The following PDE4D variants were observed in gnomAD, a reference collection of about 807,000 sequenced individuals.
PDE4D encodes the protein 3',5'-cyclic-AMP phosphodiesterase 4D.
PDE4D carries 24 observed loss-of-function variants against 87.4 expected under a neutral mutation model. The ratio of observed to expected loss-of-function variants is 0.27; its 90% confidence interval spans 0.20 to 0.39. PDE4D has a LOEUF of 0.39. Ranked by LOEUF, PDE4D falls within the 10% of genes least tolerant of loss-of-function variation. The probability of loss-of-function intolerance (pLI) is 1.00; values close to 1 mark genes in which losing one functional copy is unlikely to be tolerated. For synonymous variants in PDE4D, 384 were observed against 383.2 expected, an observed-to-expected ratio of 1.00 and a Z score of -0.02; for missense variants, 714 against 1,041.0, an observed-to-expected ratio of 0.69 and a Z score of 4.32.
At chr5:59,828,144 A>T (rs1167138116) in intron 1 of PDE4D, among the ~76,000 whole-genome samples, 1 of 152,014 alleles carries the variant, frequency 6.6e-6, no homozygotes, top group East Asian at 1.9e-4. Flanking sequence ...TTAAAAAAAA[A>T]TCTGGTGAAT....
chr5:59,785,549 C>T (rs1027330944), intron 1 of PDE4D, among the ~76,000 whole-genome samples: 6 of 152,308 alleles, frequency 3.9e-5, no homozygotes, highest in Admixed American at 1.3e-4. Flanking sequence ...TACTGAAACA[C>T]TCTTTCACCT....
chr5:59,055,490 C>A (rs1306076894), intron 5 of PDE4D, among the ~76,000 whole-genome samples: 1 of 152,164 alleles, frequency 6.6e-6, no homozygotes, highest in African/African-American at 2.4e-5. Flanking sequence ...CCATCTCTAT[C>A]TTTTGTCAGC....
intron 2 of PDE4D, among the ~76,000 whole-genome samples, chr5:60,144,810 G>C (rs564793551): frequency 6.6e-6 from 1 of 152,072 alleles, no homozygotes; most frequent in Non-Finnish European, 1.5e-5. Flanking sequence ...ATACAACATG[G>C]CACCAATTGC....
chr5:59,926,308 A>G (rs571211070), intron 3 of PDE4D, among the ~76,000 whole-genome samples: 135 of 152,142 alleles, frequency 8.9e-4, no homozygotes, highest in Non-Finnish European at 1.7e-3. Flanking sequence ...ATTTCTTGAA[A>G]CAAATGGTTA....
intron 1 of PDE4D, among the ~76,000 whole-genome samples, chr5:59,728,603 G>T (rs1471751266): frequency 1.3e-5 from 2 of 151,852 alleles, no homozygotes; most frequent in Admixed American, 6.6e-5. Flanking sequence ...TTAATAGCCT[G>T]GCCAGCTGTC....
Position 60,285,686 on chromosome 5 carries a change from A to G in PDE4D, c.-89-99999T>C, listed in dbSNP as rs1006438492. ...ATATAACACTACTAAAGTGAAAATA[A>G]AGAGATACTACCTTACCAGCCTCAG... On this transcript the variant is annotated intron_variant, in intron 1 of 16. Coordinates refer to the PDE4D transcript ENST00000502484. Among the ~76,000 whole-genome samples, 2 of 152,228 alleles carry G rather than the reference A, an allele frequency of 1.3e-5. 1 individual carries two copies. The highest frequency in any genetic ancestry group is 1.3e-4 in the Admixed American group (2 of 15,264).
chr5:60,385,891 G>A (rs1315920788), intron 1 of PDE4D, among the ~76,000 whole-genome samples: 1 of 151,900 alleles, frequency 6.6e-6, no homozygotes, highest in African/African-American at 2.4e-5. Context: ...TTGTACCCTA[G>A]CTGGGCACTT....
At chr5:60,075,919 T>C (rs758568091) in intron 2 of PDE4D, among the ~76,000 whole-genome samples, 3 of 152,174 alleles carry the variant, frequency 2.0e-5, no homozygotes, top group African/African-American at 4.8e-5. Flanking sequence ...TACTATTTTA[T>C]TGTGATTCCT....
At chr5:59,017,785 T>G (rs1362810658) in intron 6 of PDE4D, among the ~76,000 whole-genome samples, 2 of 152,232 alleles carry the variant, frequency 1.3e-5, no homozygotes, top group African/African-American at 2.4e-5. Flanking sequence ...AATATTTTTA[T>G]GAAATTACTG....
intron 2 of PDE4D, among the ~76,000 whole-genome samples, chr5:60,165,893 G>A (rs1469097262): frequency 1.3e-5 from 2 of 151,720 alleles, no homozygotes; most frequent in African/African-American, 2.4e-5. Flanking sequence ...TTATGGGTAA[G>A]AACTTACTAC....
Position 60,398,621 on chromosome 5 carries a change from T to C in PDE4D, c.-90+89321A>G, listed in dbSNP as rs148343434. 5.8e-4 allele frequency among the ~76,000 whole-genome samples: 89 copies of C among 152,268 alleles called. 1 individual carries two copies. Among genetic ancestry groups the C allele is most frequent in the African/African-American group, 2.0e-3 (83 of 41,564 alleles). On this transcript the variant is annotated intron_variant, in intron 1 of 16. Coordinates refer to the PDE4D transcript ENST00000502484. Reference sequence around the variant, plus strand: ...TTCCTCTACAACACCCATTGCATTGTCAACTGACCTCTGCTTGACATTTCC... The same window carrying C: ...TTCCTCTACAACACCCATTGCATTGCCAACTGACCTCTGCTTGACATTTCC...
At chr5:59,965,910 C>A (rs1759991463) in intron 3 of PDE4D, among the ~76,000 whole-genome samples, 1 of 152,112 alleles carries the variant, frequency 6.6e-6, no homozygotes, top group Non-Finnish European at 1.5e-5. Flanking sequence ...AGCATTTGGC[C>A]CACAGGCTGT....
At chr5:59,475,223 A>G (rs1385265227) in intron 1 of PDE4D, among the ~76,000 whole-genome samples, 1 of 148,278 alleles carries the variant, frequency 6.7e-6, no homozygotes, top group Admixed American at 6.7e-5. Context: ...GGAACTGTGC[A>G]TTAGCTTACG....
chr5:59,093,320 G>A (rs1316504228), intron 5 of PDE4D, among the ~76,000 whole-genome samples: 1 of 152,196 alleles, frequency 6.6e-6, no homozygotes. Flanking sequence ...ACTGGAAGCG[G>A]AGTCTTTCTT....
At chr5:60,478,584 C>A (rs1018679268) in intron 1 of PDE4D, among the ~76,000 whole-genome samples, 6 of 152,166 alleles carry the variant, frequency 3.9e-5, no homozygotes, top group African/African-American at 1.2e-4. Flanking sequence ...AAGAAACCAG[C>A]AACTATTTGC....
chr5:59,428,985 C>T (rs1795716559), intron 1 of PDE4D, among the ~76,000 whole-genome samples: 1 of 152,096 alleles, frequency 6.6e-6, no homozygotes, highest in Non-Finnish European at 1.5e-5. Flanking sequence ...GTAAAATACA[C>T]TGTGATGCCC....
At chr5:59,941,806 C>G (rs1023354753) in intron 3 of PDE4D, among the ~76,000 whole-genome samples, 28 of 152,138 alleles carry the variant, frequency 1.8e-4, no homozygotes, top group Non-Finnish European at 4.0e-4. Context: ...CCTCAGGAGG[C>G]CAGGCAAGGA....
At chr5:59,504,939 T>TGTGC (rs1170300694) in intron 1 of PDE4D, among the ~76,000 whole-genome samples, 24 of 134,786 alleles carry the variant, frequency 1.8e-4, no homozygotes, top group Admixed American at 5.2e-4. Context: ...TGTGTGTGTG[T>TGTGC]GCGTGCGCGT....
At chr5:60,461,920 G>A (rs930465889) in intron 1 of PDE4D, among the ~76,000 whole-genome samples, 2 of 152,160 alleles carry the variant, frequency 1.3e-5, no homozygotes, top group East Asian at 1.9e-4. Context: ...CATGAGAAAC[G>A]TTCTTAACCC....
Sources: gnomAD v4.1 joint callset for allele counts (sites outside exome capture counted in the v4.1 genomes callset) on GRCh38, gnomAD v4.1.1 for gene constraint, MANE v1.5 for transcripts, NCBI Gene and HGNC (gene_info 2026-07-23, HGNC 2026-07-21) for gene names.